UBE2Q2: variants seen among roughly 807,000 people sequenced by gnomAD.
The protein encoded by UBE2Q2 is ubiquitin-conjugating enzyme E2 Q2.
A neutral mutation model predicts 59.9 loss-of-function variants in UBE2Q2; 54 were observed. The observed-to-expected ratio is 0.90, with a 90% CI of 0.72 to 1.13. The LOEUF is 1.13. Among genes scored for constraint, UBE2Q2 ranks in the 50% most tolerant of loss-of-function variants. The probability of loss-of-function intolerance (pLI) is 0.00; values close to 1 mark genes in which losing one functional copy is unlikely to be tolerated. For synonymous variants in UBE2Q2, 165 were observed against 155.2 expected, an observed-to-expected ratio of 1.06 and a Z score of -0.47; for missense variants, 433 against 441.9, an observed-to-expected ratio of 0.98 and a Z score of 0.18.
rs752207945 is a variant in UBE2Q2 at position 75,877,981 on chromosome 15, A to G, written c.694A>G (p.Ile232Val). The G allele has an allele frequency of 6.2e-7, 1 of 1,613,662 alleles. No homozygotes were observed. The highest frequency in any genetic ancestry group is 8.5e-7 in the Non-Finnish European group (1 of 1,179,740). ...AACAGGGATTTATTCAGTGGAACTCATAAATGACAGTTTATATGACTGGCA... is the reference window on the plus strand; with the variant it reads ...AACAGGGATTTATTCAGTGGAACTCGTAAATGACAGTTTATATGACTGGCA... ...YKTGIYSVEL[I>V]NDSLYDWHVK... The change falls in exon 7 of 13, where the codon ATA becomes GTA. Residue 232 changes from isoleucine (I) to valine (V), a missense_variant. Physicochemically the swap from Ile to Val is conservative, Grantham distance 29. Coordinates refer to ENST00000267938, the MANE Select transcript of UBE2Q2 (RefSeq NM_173469.4).
At chr15:75,856,030 T>TA (rs934465500) in intron 2 of UBE2Q2, among the ~76,000 whole-genome samples, 11 of 151,756 alleles carry the variant, frequency 7.2e-5, no homozygotes, top group Non-Finnish European at 1.6e-4. Flanking sequence ...CTACAAAAAA[T>TA]ACAAAAATTA....
chr15:75,896,154 G>A (rs970905762), intron 11 of UBE2Q2, among the ~76,000 whole-genome samples: 2 of 152,180 alleles, frequency 1.3e-5, no homozygotes, highest in African/African-American at 4.8e-5. Flanking sequence ...ATAACAGTGG[G>A]CTGTACATGA....
rs1899683237 is a variant in UBE2Q2, at chr15:75,900,295, A to G, written c.*837A>G. On this transcript the variant is annotated 3_prime_UTR_variant, in exon 13 of 13. Coordinates refer to ENST00000267938, the MANE Select transcript of UBE2Q2 (RefSeq NM_173469.4). The stretch of plus-strand genomic sequence containing the variant: ...CTAATAAACTTATAAAGTGATTGGC[A>G]CAAAGACTCCTTGAGCAAAAGCTGT... The G allele has an allele frequency of 6.6e-6, 1 of 152,398 alleles. No homozygotes were observed. Among genetic ancestry groups the G allele is most frequent in the South Asian group, 2.1e-4 (1 of 4,834 alleles). 9.4% of individuals were successfully genotyped at this position (152,398 alleles called of 1,614,324 possible).
At chr15:75,879,327 A>C in intron 8 of UBE2Q2, 139 bp downstream of exon 8, 1 of 517,176 alleles carries the variant, frequency 1.9e-6, no homozygotes, top group South Asian at 3.3e-5. Flanking sequence ...TTCTCCGTTA[A>C]GACGTGAGTA....
Position 75,897,062 on chromosome 15 carries a change from GTA to G in UBE2Q2, c.1096+3_1096+4del. The G allele has an allele frequency of 6.5e-7, 1 of 1,547,098 alleles. No homozygotes were observed. The highest frequency in any genetic ancestry group is 8.8e-7 in the Non-Finnish European group (1 of 1,138,784). Reference sequence around the variant, plus strand: ...ATTGTACAGATACATGAGAAAAATGGTATGTTTAATTCAATAAGTGTTTATTG... The same window carrying G: ...ATTGTACAGATACATGAGAAAAATGGTGTTTAATTCAATAAGTGTTTATTG... On this transcript the variant is annotated splice_donor_variant and splice_donor_region_variant and intron_variant, in intron 12 of 12. Transcript: ENST00000267938. LOFTEE classifies it high-confidence loss of function.
At chr15:75,855,316 C>G (rs1050784363) in intron 2 of UBE2Q2, among the ~76,000 whole-genome samples, 2 of 152,018 alleles carry the variant, frequency 1.3e-5, no homozygotes, top group African/African-American at 4.8e-5. Flanking sequence ...CATGGTGAAA[C>G]CCTGTCTCTG....
chr15:75,848,384 T>C (rs1349593913), intron 1 of UBE2Q2, among the ~76,000 whole-genome samples: 2 of 152,246 alleles, frequency 1.3e-5, no homozygotes, highest in Non-Finnish European at 2.9e-5. Flanking sequence ...CTTTTCTCTT[T>C]GGTTTGCCCT....
intron 3 of UBE2Q2, among the ~76,000 whole-genome samples, chr15:75,864,007 C>A (rs1184259902): frequency 1.3e-5 from 2 of 152,054 alleles, no homozygotes; most frequent in African/African-American, 4.8e-5. Context: ...GGACTTAATG[C>A]ATAGAGAGCT....
rs1051020677 is a variant in UBE2Q2 at position 75,848,697 on chromosome 15, C to T, written c.180+4851C>T. ...TTAATTTGGTTAAACATATTTAGAC[C>T]TGGAAAAGGGTAGTATTTGATAAAT... On this transcript the variant is annotated intron_variant, in intron 1 of 12. Coordinates refer to ENST00000267938, the MANE Select transcript of UBE2Q2 (RefSeq NM_173469.4). Among the ~76,000 whole-genome samples, 10 of 151,398 alleles carry T rather than the reference C, an allele frequency of 6.6e-5. 1 individual carries two copies. Among genetic ancestry groups the T allele is most frequent in the South Asian group, 4.2e-4 (2 of 4,784 alleles).
At chr15:75,851,025 G>T (rs1896610460) in intron 1 of UBE2Q2, among the ~76,000 whole-genome samples, 1 of 151,900 alleles carries the variant, frequency 6.6e-6, no homozygotes, top group Non-Finnish European at 1.5e-5. Flanking sequence ...TTAATTTGTT[G>T]TATGCTATTT....
At chr15:75,894,659 T>C (rs919232088) in intron 11 of UBE2Q2, among the ~76,000 whole-genome samples, 2 of 151,952 alleles carry the variant, frequency 1.3e-5, no homozygotes, top group Non-Finnish European at 2.9e-5. Flanking sequence ...GTTAGAAGAA[T>C]AGGAAGGGCT....
At position 75,879,099 on chromosome 15, in the gene UBE2Q2, G is replaced by A. The variant is rs1411071913; in HGVS notation, c.736G>A (p.Val246Ile). The change falls in exon 8 of 13, where the codon GTT becomes ATT. Residue 246 changes from valine to isoleucine, a missense_variant and splice_region_variant. Transcript: ENST00000267938. Reference sequence around the variant, plus strand: ...TGTTTTTTGTTTTGTAATTCTTAGGGTTGACCCTGATAGTCCTTTGCACAG... The same window carrying A: ...TGTTTTTTGTTTTGTAATTCTTAGGATTGACCCTGATAGTCCTTTGCACAG... ...LYDWHVKLQK[V>I]DPDSPLHSDL... is the part of the protein sequence containing the mutation. 1.9e-6 allele frequency: 3 copies of A among 1,559,978 alleles called. No individual in the cohort carries two copies. The highest frequency in any genetic ancestry group is 1.7e-4 in the Middle Eastern group (1 of 5,812).
At position 75,873,436 on chromosome 15, in the gene UBE2Q2, A is replaced by C. The variant is rs1897901159; in HGVS notation, c.456A>C (p.Glu152Asp). The change falls in exon 5 of 13, where the codon GAA (glutamate) becomes GAC (aspartate). Residue 152 changes from glutamate (E) to aspartate (D), a missense_variant. Coordinates refer to ENST00000267938, the MANE Select transcript of UBE2Q2 (RefSeq NM_173469.4). ...TTTTCGTCTCTTTGTAGGATATAGAAGACTTAGATCACTATGAGATGAAGG... is the reference window on the plus strand; with the variant it reads ...TTTTCGTCTCTTTGTAGGATATAGACGACTTAGATCACTATGAGATGAAGG... ...EEEEEMAEDI[E>D]DLDHYEMKEE... The C allele has an allele frequency of 6.2e-7, 1 of 1,606,368 alleles. No individual in the cohort carries two copies.
At chr15:75,897,598 CTTT>C (rs759708761) in intron 12 of UBE2Q2, among the ~76,000 whole-genome samples, 1 of 135,598 alleles carries the variant, frequency 7.4e-6, no homozygotes. Flanking sequence ...ATCAAGATTT[CTTT>C]TTTTTTTTTT....
Position 75,843,739 on chromosome 15 carries a change from C to A in UBE2Q2, c.73C>A (p.Arg25Ser). 1.2e-6 allele frequency: 2 copies of A among 1,611,612 alleles called. No homozygotes were observed. Among genetic ancestry groups the A allele is most frequent in the Admixed American group, 3.3e-5 (2 of 59,898 alleles). Reference protein sequence around the residue: ...SIFDKNHERFRIVSWKLDELH... With the variant: ...SIFDKNHERFSIVSWKLDELH... ...CTTCGACAAGAACCACGAGCGATTC[C>A]GCATCGTCAGTTGGAAGCTGGACGA... The change falls in exon 1 of 13, where the codon CGC becomes AGC. Residue 25 changes from arginine to serine, a missense_variant. Arg to Ser is a moderately radical substitution (Grantham distance 110). Coordinates refer to ENST00000267938, the MANE Select transcript of UBE2Q2 (RefSeq NM_173469.4).
At chr15:75,875,654 T>C (rs1244050802) in intron 5 of UBE2Q2, among the ~76,000 whole-genome samples, 1 of 152,226 alleles carries the variant, frequency 6.6e-6, no homozygotes, top group Non-Finnish European at 1.5e-5. Context: ...TCTGGACATG[T>C]TGGCTAGACT....
At chr15:75,891,994 C>T (rs1899135599) in intron 11 of UBE2Q2, among the ~76,000 whole-genome samples, 1 of 152,182 alleles carries the variant, frequency 6.6e-6, no homozygotes, top group East Asian at 1.9e-4. Context: ...TGCCCATAAC[C>T]TCCACTTATT....
chr15:75,897,141 G>A, intron 12 of UBE2Q2, 80 bp downstream of exon 12: 1 of 813,588 alleles, frequency 1.2e-6, no homozygotes, highest in Non-Finnish European at 1.8e-6. Flanking sequence ...TTATTTTTCT[G>A]TTTTTGCTTT....
At chr15:75,858,942 A>G (rs1349329843) in intron 2 of UBE2Q2, among the ~76,000 whole-genome samples, 1 of 152,150 alleles carries the variant, frequency 6.6e-6, no homozygotes, top group Non-Finnish European at 1.5e-5. Context: ...AACCCATTCT[A>G]ATCCTATGTC....
Sources: gnomAD v4.1 joint callset for allele counts (sites outside exome capture counted in the v4.1 genomes callset) on GRCh38, gnomAD v4.1.1 for gene constraint, MANE v1.5 for transcripts, NCBI Gene and HGNC (gene_info 2026-07-23, HGNC 2026-07-21) for gene names.